Variants in MEG3 observed in about 807,000 individuals in gnomAD.
MEG3 encodes maternally expressed 3.
intron 2 of MEG3, among the ~76,000 whole-genome samples, chr14:100,841,512 T>G (rs2037758734): frequency 6.6e-6 from 1 of 152,194 alleles, no homozygotes; most frequent in Admixed American, 6.5e-5. Context: ...CCCCCTCTGC[T>G]TTAGAGGTGG....
At chr14:100,832,846 TC>T (rs1303375218), downstream of MEG3, 1 of 152,266 alleles carries the variant, frequency 6.6e-6, no homozygotes, top group Non-Finnish European at 1.5e-5. Flanking sequence ...GTGGCTTTGT[TC>T]GATCCTTCGC....
rs1347810627 is a variant in MEG3, at chr14:100,845,594, G to T, written n.3121+61G>T. 2 of 439,788 alleles carry T rather than the reference G, an allele frequency of 4.5e-6. No individual in the cohort carries two copies. The highest frequency in any genetic ancestry group is 9.2e-6 in the Non-Finnish European group (2 of 217,496). 27.2% of individuals were successfully genotyped at this position (439,788 alleles called of 1,614,324 possible). A position where few individuals can be genotyped will look rare whatever the true frequency, so the allele number is the denominator to read the frequency against. On this transcript the variant is annotated intron_variant and non_coding_transcript_variant, in intron 3 of 3. Coordinates refer to the MEG3 transcript ENST00000398461. This position sits in a 1 kb window ranked among gnomAD's most constrained non-coding sequence, Gnocchi z 5.2. ...CTTGCTGCTGAGGGTGGGGCCAGCT[G>T]CCCGGAGCACACCGCCAGGCGGACC...
chr14:100,829,549 C>G (rs1198411095), downstream of MEG3: 1 of 152,186 alleles, frequency 6.6e-6, no homozygotes. Context: ...ATGAGAGCAA[C>G]CTCCTAGGGT....
chr14:100,852,671 C>G (rs568843480), upstream of MEG3: 1 of 267,630 alleles, frequency 3.7e-6, no homozygotes, highest in East Asian at 1.1e-4. Context: ...CAAAAGAACT[C>G]ATGTACGGCT....
intron 3 of MEG3, chr14:100,846,283 AT>A (rs1352707929): frequency 6.6e-6 from 1 of 152,224 alleles, no homozygotes; most frequent in Non-Finnish European, 1.5e-5. Flanking sequence ...GGGGATGGTC[AT>A]TCACCACGGT....
chr14:100,855,758 A>G (rs1273336597), upstream of MEG3: 1 of 152,216 alleles, frequency 6.6e-6, no homozygotes, highest in African/African-American at 2.4e-5. Context: ...AAACAAAACA[A>G]TGAACACGTT....
chr14:100,854,280 A>G (rs1477338501), upstream of MEG3: 3 of 152,228 alleles, frequency 2.0e-5, no homozygotes, highest in South Asian at 2.1e-4. Context: ...ATGTTTGTTA[A>G]CAAATTGTAT....
At chr14:100,841,588 C>T (rs2037760955) in intron 2 of MEG3, among the ~76,000 whole-genome samples, 1 of 152,202 alleles carries the variant, frequency 6.6e-6, no homozygotes, top group African/African-American at 2.4e-5. Context: ...GCAGCAGGCC[C>T]TGGAGGTGAA....
At chr14:100,829,968 C>T (rs2037351286), downstream of MEG3, 1 of 152,150 alleles carries the variant, frequency 6.6e-6, no homozygotes, top group Non-Finnish European at 1.5e-5. Flanking sequence ...CCCGTGAGGA[C>T]TGAACTCTCT....
chr14:100,828,055 G>A (rs1458994745), intron 1 of MEG3, among the ~76,000 whole-genome samples: 40 of 152,096 alleles, frequency 2.6e-4, no homozygotes, highest in Non-Finnish European at 2.9e-5. Flanking sequence ...TCTGGCTGGT[G>A]GTGGCTGGAG....
chr14:100,841,155 C>T (rs1347819744), intron 2 of MEG3, among the ~76,000 whole-genome samples: 3 of 152,190 alleles, frequency 2.0e-5, no homozygotes, highest in Admixed American at 1.3e-4. Flanking sequence ...AAGGGTAGGG[C>T]CACTCCAGAG....
At chr14:100,857,672 C>T (rs1311922813) in exon 1 of MEG3, 1 of 152,146 alleles carries the variant, frequency 6.6e-6, no homozygotes, top group Non-Finnish European at 1.5e-5. Context: ...CCCATTCCAA[C>T]GTGGGCTGCT....
At chr14:100,827,808 A>AGC (rs1373790678) in intron 1 of MEG3, among the ~76,000 whole-genome samples, 1 of 152,172 alleles carries the variant, frequency 6.6e-6, no homozygotes, top group Non-Finnish European at 1.5e-5. Context: ...CATGCGTGAC[A>AGC]GCGGTGCCTG....
At chr14:100,860,449 A>G (rs2038371213) in intron 1 of MEG3, 1 of 357,994 alleles carries the variant, frequency 2.8e-6, no homozygotes, top group South Asian at 2.1e-5. Flanking sequence ...TGCTTCCAGA[A>G]GTTTCTGCAA....
chr14:100,839,497 G>T (rs892020476), intron 2 of MEG3, among the ~76,000 whole-genome samples: 3 of 152,192 alleles, frequency 2.0e-5, no homozygotes, highest in African/African-American at 7.2e-5. Context: ...GTCTGGAAAG[G>T]GGAAGGATGA....
At chr14:100,860,900 T>G (rs1270361797) in exon 2 of MEG3, 2 of 349,476 alleles carry the variant, frequency 5.7e-6, no homozygotes, top group Admixed American at 7.9e-5. Flanking sequence ...TGTCTGCATG[T>G]GGGAAGTGGG....
intron 1 of MEG3, chr14:100,860,714 T>A (rs767992670): frequency 3.3e-5 from 15 of 456,634 alleles, no homozygotes; most frequent in South Asian, 2.2e-4. Context: ...GGGGACACCC[T>A]GCACCTATTC....
exon 1 of MEG3, chr14:100,834,878 G>T (rs896324947): frequency 1.3e-5 from 6 of 448,744 alleles, no homozygotes; most frequent in Non-Finnish European, 2.3e-5. Flanking sequence ...TCCGACCCCT[G>T]CCCCATTTGA....
At chr14:100,843,633 C>T (rs1278725354) in intron 2 of MEG3, among the ~76,000 whole-genome samples, 1 of 152,108 alleles carries the variant, frequency 6.6e-6, no homozygotes, top group African/African-American at 2.4e-5. Context: ...CAAGAAGTGT[C>T]CCCAGTGCCC....
Sources: gnomAD v4.1 joint callset for allele counts (sites outside exome capture counted in the v4.1 genomes callset) on GRCh38, gnomAD v4.1.1 for gene constraint, Gnocchi (gnomAD v3.1) non-coding constraint, MANE v1.5 for transcripts, NCBI Gene and HGNC (gene_info 2026-07-23, HGNC 2026-07-21) for gene names.